FBXO42: variants seen among roughly 807,000 people sequenced by gnomAD.
FBXO42 encodes the protein F-box protein 42, also known as F-box only protein 42.
Under a neutral mutation model 71.7 loss-of-function variants are expected in FBXO42, and 12 were observed. That is an observed-to-expected ratio of 0.17 (90% CI 0.11 to 0.27). FBXO42 has a LOEUF of 0.27. FBXO42 is among the 10% of genes least tolerant of loss of function. FBXO42 has a pLI of 1.00. For synonymous variants in FBXO42, 325 were observed against 327.5 expected, an observed-to-expected ratio of 0.99 and a Z score of 0.08; for missense variants, 707 against 911.9, an observed-to-expected ratio of 0.78 and a Z score of 2.89.
At chr1:16,257,712 G>A (rs955926336) in intron 4 of FBXO42, among the ~76,000 whole-genome samples, 1 of 152,006 alleles carries the variant, frequency 6.6e-6, no homozygotes, top group African/African-American at 2.4e-5. Context: ...GTGGAGTCTC[G>A]CTTTGTCACC....
intron 1 of FBXO42, among the ~76,000 whole-genome samples, chr1:16,316,914 G>A (rs749947429): frequency 6.6e-5 from 10 of 151,946 alleles, no homozygotes; most frequent in Admixed American, 3.3e-4. Flanking sequence ...TGGTACATTC[G>A]CCATGAAATA....
intron 2 of FBXO42, among the ~76,000 whole-genome samples, chr1:16,311,759 C>T (rs1015102434): frequency 6.6e-5 from 10 of 151,996 alleles, no homozygotes; most frequent in African/African-American, 2.2e-4. Context: ...TCATTCACTG[C>T]TAGTGGGAGT....
intron 4 of FBXO42, among the ~76,000 whole-genome samples, chr1:16,282,654 G>A (rs145552732): frequency 0.023 from 3,570 of 152,048 alleles, 138 homozygotes; most frequent in African/African-American, 0.081. Context: ...AGACCAACCT[G>A]GGCAACACAG....
intron 1 of FBXO42, among the ~76,000 whole-genome samples, chr1:16,334,451 C>T: frequency 6.7e-6 from 1 of 148,726 alleles, no homozygotes; most frequent in Non-Finnish European, 1.5e-5. Context: ...CAGACTGATT[C>T]TACAGATAAG....
chr1:16,273,195 T>C (rs2081863980), intron 4 of FBXO42, among the ~76,000 whole-genome samples: 3 of 152,182 alleles, frequency 2.0e-5, no homozygotes, highest in Admixed American at 2.0e-4. Flanking sequence ...AACCAGCAAG[T>C]GACAGGGCTC....
intron 7 of FBXO42, 150 bp from the exon 8 acceptor site, chr1:16,253,302 A>G (rs1341120183): frequency 4.6e-6 from 3 of 646,076 alleles, no homozygotes; most frequent in Admixed American, 6.5e-5. Context: ...AAACATATCA[A>G]TTCTGATCCC....
chr1:16,336,228 G>A (rs191764029), intron 1 of FBXO42, among the ~76,000 whole-genome samples: 5 of 151,766 alleles, frequency 3.3e-5, no homozygotes, highest in Admixed American at 6.6e-5. Flanking sequence ...ATGAGCCACC[G>A]CGTCTGGCCT....
chr1:16,293,877 G>A (rs1379638451), intron 4 of FBXO42: 1 of 152,140 alleles, frequency 6.6e-6, no homozygotes, highest in African/African-American at 2.4e-5. Context: ...TGGAGAATTG[G>A]TGACTATGCC....
intron 4 of FBXO42, among the ~76,000 whole-genome samples, chr1:16,278,122 C>T (rs1042928932): frequency 6.6e-6 from 1 of 151,906 alleles, no homozygotes; most frequent in African/African-American, 2.4e-5. Context: ...TTTGGGAGGC[C>T]GAGGCGGGCG....
intron 1 of FBXO42, among the ~76,000 whole-genome samples, chr1:16,316,169 CAAAAAAAAA>C (rs58485035): frequency 9.2e-6 from 1 of 109,076 alleles, no homozygotes; most frequent in African/African-American, 3.6e-5. Context: ...ACCTCCATCT[CAAAAAAAAA>C]AAAAAAAAAG....
intron 4 of FBXO42, among the ~76,000 whole-genome samples, chr1:16,274,347 A>G (rs1437177318): frequency 2.0e-5 from 3 of 151,990 alleles, no homozygotes; most frequent in Admixed American, 2.0e-4. Context: ...GAAAAAAAGA[A>G]CAGAACAAAG....
intron 4 of FBXO42, chr1:16,294,219 G>A (rs1187517648): frequency 6.6e-6 from 1 of 152,384 alleles, no homozygotes; most frequent in Non-Finnish European, 1.5e-5. Context: ...TTTCCCCCAG[G>A]AGAGGTTAGG....
At chr1:16,254,900 C>G (rs1305807816) in intron 6 of FBXO42, among the ~76,000 whole-genome samples, 1 of 152,184 alleles carries the variant, frequency 6.6e-6, no homozygotes, top group East Asian at 1.9e-4. Flanking sequence ...CTGTTCCTAC[C>G]CATTCCACAA....
At chr1:16,253,347 T>C (rs2081610216) in intron 7 of FBXO42, 195 bp from the exon 8 acceptor site, 1 of 607,058 alleles carries the variant, frequency 1.6e-6, no homozygotes, top group African/African-American at 1.9e-5. Flanking sequence ...CCTGAAAGGA[T>C]ACATTCTTTG....
intron 6 of FBXO42, among the ~76,000 whole-genome samples, chr1:16,254,293 G>C (rs1278004441): frequency 6.6e-6 from 1 of 152,118 alleles, no homozygotes; most frequent in Non-Finnish European, 1.5e-5. Flanking sequence ...ATAGACACTG[G>C]TTAAGCTACA....
rs577772192 is a variant in FBXO42, at chr1:16,248,071, G to C, written c.*2599C>G. 9.8e-5 allele frequency: 15 copies of C among 152,316 alleles called. No homozygotes were observed. The highest frequency in any genetic ancestry group is 3.6e-4 in the African/African-American group (15 of 41,572). The allele number at this position is 152,316 out of a possible 1,614,324, so 9.4% of individuals were successfully genotyped here. A position where few individuals can be genotyped will look rare whatever the true frequency, so the allele number is the denominator to read the frequency against. On this transcript the variant is annotated 3_prime_UTR_variant, in exon 10 of 10. Transcript: ENST00000375592. Reference sequence around the variant, plus strand: ...AAAATTTAGTCTCATTTTTCTCAGTGAATTTTAAGACAAAATTGGTATCAT... The same window carrying C: ...AAAATTTAGTCTCATTTTTCTCAGTCAATTTTAAGACAAAATTGGTATCAT...
chr1:16,311,487 CAAAAAA>C (rs138051911), intron 2 of FBXO42, among the ~76,000 whole-genome samples: 1 of 110,768 alleles, frequency 9.0e-6, no homozygotes, highest in Non-Finnish European at 1.8e-5. Context: ...GATCTTGTCT[CAAAAAA>C]AAAAAAAAAA....
chr1:16,289,228 C>A (rs1424578089), intron 4 of FBXO42, among the ~76,000 whole-genome samples: 1 of 149,808 alleles, frequency 6.7e-6, no homozygotes, highest in African/African-American at 2.5e-5. Context: ...CACCCTAGTT[C>A]TACAAAAAAA....
intron 4 of FBXO42, among the ~76,000 whole-genome samples, chr1:16,261,441 G>A (rs2081710268): frequency 6.6e-6 from 1 of 152,164 alleles, no homozygotes; most frequent in Non-Finnish European, 1.5e-5. Context: ...CATGAAGTTG[G>A]AGAACTCCTC....
Sources: gnomAD v4.1 joint callset for allele counts (sites outside exome capture counted in the v4.1 genomes callset) on GRCh38, gnomAD v4.1.1 for gene constraint, MANE v1.5 for transcripts, NCBI Gene and HGNC (gene_info 2026-07-23, HGNC 2026-07-21) for gene names.